TMTC2: variants seen among roughly 807,000 people sequenced by gnomAD.
TMTC2 encodes the protein transmembrane O-mannosyltransferase targeting cadherins 2, also known as protein O-mannosyl-transferase TMTC2.
A neutral mutation model predicts 82.4 loss-of-function variants in TMTC2; 43 were observed. The observed-to-expected ratio is 0.52, with a 90% CI of 0.41 to 0.67. TMTC2 has a LOEUF of 0.67. Among genes scored for constraint, TMTC2 ranks in the 30% least tolerant of loss-of-function variants. The pLI, the probability that TMTC2 is intolerant of heterozygous loss-of-function variation, is 0.00. For missense variants in TMTC2, 919 were observed against 1,012.4 expected (o/e 0.91, Z 1.25); for synonymous variants, 408 against 381.9 (o/e 1.07, Z -0.80).
At chr12:82,989,410 T>TC (rs1405665945) in intron 8 of TMTC2, among the ~76,000 whole-genome samples, 2 of 152,074 alleles carry the variant, frequency 1.3e-5, no homozygotes, top group Non-Finnish European at 2.9e-5. Flanking sequence ...GAAAACCTTT[T>TC]CCCATTTCTG....
At chr12:82,830,469 C>T (rs12321641) in intron 1 of TMTC2, among the ~76,000 whole-genome samples, 5,426 of 152,020 alleles carry the variant, frequency 0.036, 304 homozygotes, top group African/African-American at 0.12. Flanking sequence ...TAGCTAGATA[C>T]AATATTAGTA....
At chr12:82,966,867 G>T in intron 6 of TMTC2, 52 bp from the exon 7 acceptor site, 2 of 1,299,094 alleles carry the variant, frequency 1.5e-6, no homozygotes, top group South Asian at 1.3e-5. Context: ...TTTCAGTGAC[G>T]ATCCCTGCAC....
intron 2 of TMTC2, among the ~76,000 whole-genome samples, chr12:82,867,455 A>G (rs533029382): frequency 6.6e-6 from 1 of 152,314 alleles, no homozygotes; most frequent in African/African-American, 2.4e-5. Flanking sequence ...AACATGGGGA[A>G]AATGAAGAAC....
intron 1 of TMTC2, among the ~76,000 whole-genome samples, chr12:82,747,219 T>A (rs1311526710): frequency 6.6e-6 from 1 of 152,114 alleles, no homozygotes; most frequent in Non-Finnish European, 1.5e-5. Context: ...ATATGAGAGG[T>A]GCTAATTAAT....
chr12:82,973,171 C>T (rs539966376), intron 7 of TMTC2, among the ~76,000 whole-genome samples: 27 of 152,138 alleles, frequency 1.8e-4, no homozygotes, highest in African/African-American at 5.3e-4. Context: ...TGAGTTCTGG[C>T]GATTTTCCTA....
chr12:82,835,639 T>C (rs932394562), intron 1 of TMTC2, among the ~76,000 whole-genome samples: 3 of 152,248 alleles, frequency 2.0e-5, no homozygotes, highest in Non-Finnish European at 4.4e-5. Flanking sequence ...AATTAGGCGT[T>C]CTTTGCAATC....
chr12:82,788,666 C>T (rs576140435), intron 1 of TMTC2, among the ~76,000 whole-genome samples: 1 of 152,226 alleles, frequency 6.6e-6, no homozygotes, highest in South Asian at 2.1e-4. Flanking sequence ...TTTTCATGTT[C>T]AGGAGCTAAT....
intron 1 of TMTC2, among the ~76,000 whole-genome samples, chr12:82,740,255 A>G (rs1875330560): frequency 6.6e-6 from 1 of 152,172 alleles, no homozygotes; most frequent in Non-Finnish European, 1.5e-5. Context: ...GCATTCTGGA[A>G]AAGTGGGGTG....
intron 1 of TMTC2, among the ~76,000 whole-genome samples, chr12:82,697,047 T>C (rs1039176286): frequency 6.6e-6 from 1 of 151,196 alleles, no homozygotes; most frequent in African/African-American, 2.4e-5. Flanking sequence ...TATGGACTTG[T>C]TAAAAATGCA....
At chr12:82,878,351 G>T (rs183358138) in intron 2 of TMTC2, among the ~76,000 whole-genome samples, 90 of 152,318 alleles carry the variant, frequency 5.9e-4, no homozygotes, top group African/African-American at 2.2e-3. Flanking sequence ...GACCTTTACA[G>T]TAGTTGATAT....
At chr12:82,931,001 T>C (rs1386734060) in intron 4 of TMTC2, among the ~76,000 whole-genome samples, 3 of 152,154 alleles carry the variant, frequency 2.0e-5, no homozygotes, top group Non-Finnish European at 4.4e-5. Context: ...CTCAAACTCC[T>C]GAGCTCAAGC....
At chr12:82,921,438 T>G (rs2137228746) in intron 3 of TMTC2, among the ~76,000 whole-genome samples, 1 of 152,322 alleles carries the variant, frequency 6.6e-6, no homozygotes, top group East Asian at 1.9e-4. Flanking sequence ...AATTGTTAAA[T>G]AAATGTAAAT....
chr12:82,937,294 G>A (rs1459641476), intron 4 of TMTC2, among the ~76,000 whole-genome samples: 1 of 151,336 alleles, frequency 6.6e-6, no homozygotes, highest in East Asian at 1.9e-4. Context: ...TTTTTTTTGT[G>A]GTTTCTTGGC....
At chr12:83,091,088 C>T (rs935223873) in intron 11 of TMTC2, among the ~76,000 whole-genome samples, 1 of 152,124 alleles carries the variant, frequency 6.6e-6, no homozygotes, top group African/African-American at 2.4e-5. Context: ...TTCTAAAGCC[C>T]AGCACATCAT....
chr12:82,848,366 C>T (rs1453478113), intron 1 of TMTC2, among the ~76,000 whole-genome samples: 1 of 152,108 alleles, frequency 6.6e-6, no homozygotes, highest in Non-Finnish European at 1.5e-5. Flanking sequence ...ATGCTTTCCT[C>T]CTGGAAACTT....
At chr12:82,959,725 G>T (rs938867926) in intron 4 of TMTC2, among the ~76,000 whole-genome samples, 5 of 152,004 alleles carry the variant, frequency 3.3e-5, no homozygotes, top group Non-Finnish European at 7.4e-5. Flanking sequence ...AAGAATCCTA[G>T]AAGGAAACCT....
intron 3 of TMTC2, among the ~76,000 whole-genome samples, chr12:82,925,763 C>A (rs1169738045): frequency 6.6e-6 from 1 of 152,162 alleles, no homozygotes; most frequent in African/African-American, 2.4e-5. Context: ...AGCCCTTCCC[C>A]AATTTCTCTC....
chr12:83,083,027 T>G (rs1883526779), intron 11 of TMTC2, among the ~76,000 whole-genome samples: 1 of 152,204 alleles, frequency 6.6e-6, no homozygotes. Context: ...CTGCATAACA[T>G]TCCTAGATTT....
chr12:82,986,174 C>A (rs1879147148), intron 8 of TMTC2, 128 bp downstream of exon 8: 3 of 1,277,722 alleles, frequency 2.3e-6, no homozygotes, highest in Non-Finnish European at 3.3e-6. Flanking sequence ...GTGATACTAA[C>A]TTTGAACCCT....
Sources: allele counts gnomAD v4.1 joint callset (sites outside exome capture counted in the v4.1 genomes callset), GRCh38; gene constraint gnomAD v4.1.1; transcripts MANE v1.5; gene names NCBI Gene and HGNC (gene_info 2026-07-23, HGNC 2026-07-21).